The following PHF14 variants were observed in gnomAD, a reference collection of about 807,000 sequenced individuals.
PHF14 encodes the protein PHD finger protein 14.
Under a neutral mutation model 117.9 loss-of-function variants are expected in PHF14, and 55 were observed. The observed-to-expected ratio is 0.47, with a 90% confidence interval of 0.38 to 0.58. PHF14 has a LOEUF of 0.58. Among genes scored for constraint, PHF14 ranks in the 20% least tolerant of loss-of-function variants. PHF14 has a pLI of 0.00. For synonymous variants in PHF14, 409 were observed against 368.6 expected (o/e 1.11, Z -1.26); for missense variants, 978 against 1,122.2 (o/e 0.87, Z 1.84).
At chr7:11,036,389 T>G in intron 8 of PHF14, 29 bp from the exon 9 acceptor site, 7 of 1,527,638 alleles carry the variant, frequency 4.6e-6, no homozygotes, top group Non-Finnish European at 6.2e-6. Flanking sequence ...TTTATTATCT[T>G]TTAAAATTTG....
chr7:10,992,589 G>A (rs1214431971), intron 4 of PHF14, among the ~76,000 whole-genome samples: 3 of 151,984 alleles, frequency 2.0e-5, no homozygotes, highest in Non-Finnish European at 4.4e-5. Flanking sequence ...CTGGAACCCA[G>A]GAGGTGGAGG....
At chr7:11,041,985 C>G (rs1784518248) in intron 12 of PHF14, among the ~76,000 whole-genome samples, 1 of 151,514 alleles carries the variant, frequency 6.6e-6, no homozygotes, top group Non-Finnish European at 1.5e-5. Flanking sequence ...CTTGTGTACG[C>G]AGGTGTAGTT....
intron 13 of PHF14, 128 bp from the exon 14 acceptor site, chr7:11,051,484 T>A: frequency 1.4e-6 from 1 of 696,750 alleles, no homozygotes; most frequent in South Asian, 2.6e-5. Context: ...ATGTACCCTA[T>A]AATCACATTA....
At chr7:11,118,128 A>G (rs1787651579) in intron 17 of PHF14, among the ~76,000 whole-genome samples, 1 of 151,872 alleles carries the variant, frequency 6.6e-6, no homozygotes, top group Non-Finnish European at 1.5e-5. Context: ...AGATATGTAA[A>G]AAGTCTGGAA....
At chr7:11,056,043 C>G (rs1785006012) in intron 14 of PHF14, among the ~76,000 whole-genome samples, 1 of 152,112 alleles carries the variant, frequency 6.6e-6, no homozygotes, top group Non-Finnish European at 1.5e-5. Context: ...AAGGTGACCT[C>G]TGAGGTACGA....
At chr7:10,995,281 A>T (rs1415738606) in intron 4 of PHF14, among the ~76,000 whole-genome samples, 1 of 151,984 alleles carries the variant, frequency 6.6e-6, no homozygotes, top group Non-Finnish European at 1.5e-5. Context: ...TTAGCTAGAC[A>T]TAAAGGTTCT....
intron 17 of PHF14, among the ~76,000 whole-genome samples, chr7:11,157,680 A>C (rs1283405667): frequency 6.6e-6 from 1 of 152,192 alleles, no homozygotes; most frequent in Non-Finnish European, 1.5e-5. Flanking sequence ...AATGGTTCTT[A>C]AACTGCAAGC....
chr7:11,127,132 G>A (rs1349225721), intron 17 of PHF14, among the ~76,000 whole-genome samples: 1 of 151,322 alleles, frequency 6.6e-6, no homozygotes, highest in Non-Finnish European at 1.5e-5. Context: ...AAATATCAAA[G>A]TCCAGTCCAG....
chr7:11,021,112 A>G (rs1783719816), intron 5 of PHF14, among the ~76,000 whole-genome samples: 1 of 152,132 alleles, frequency 6.6e-6, no homozygotes, highest in Non-Finnish European at 1.5e-5. Context: ...GAGAAGTATC[A>G]CTCTACTTAG....
chr7:10,979,656 C>G (rs2128307585), intron 2 of PHF14, among the ~76,000 whole-genome samples: 1 of 141,572 alleles, frequency 7.1e-6, no homozygotes, highest in East Asian at 2.0e-4. Context: ...CTTGATTTTT[C>G]TCATTGTCAT....
intron 4 of PHF14, among the ~76,000 whole-genome samples, chr7:10,995,873 G>C (rs115322277): frequency 1.2e-4 from 19 of 152,292 alleles, no homozygotes; most frequent in Admixed American, 9.1e-4. Context: ...GCCCGCAAGC[G>C]CCTTGCACAG....
chr7:11,157,196 G>A (rs1788888150), intron 17 of PHF14, among the ~76,000 whole-genome samples: 1 of 152,032 alleles, frequency 6.6e-6, no homozygotes, highest in Non-Finnish European at 1.5e-5. Context: ...CTTAGTATCT[G>A]GCACACAATC....
chr7:11,035,026 G>T (rs1352291790), intron 7 of PHF14, among the ~76,000 whole-genome samples: 7 of 150,928 alleles, frequency 4.6e-5, no homozygotes, highest in Non-Finnish European at 1.0e-4. Flanking sequence ...TTTAAACAGT[G>T]ACTTTTTAAA....
chr7:11,090,214 T>C (rs963522208), intron 16 of PHF14, among the ~76,000 whole-genome samples: 2 of 152,208 alleles, frequency 1.3e-5, no homozygotes, highest in African/African-American at 4.8e-5. Context: ...TGAAAGTAAT[T>C]CTTTAAGTAT....
chr7:11,087,480 G>A (rs1279226229), intron 16 of PHF14, among the ~76,000 whole-genome samples: 4 of 152,122 alleles, frequency 2.6e-5, no homozygotes, highest in Non-Finnish European at 5.9e-5. Context: ...ATGAGCCACT[G>A]CGCCTGGCCA....
intron 6 of PHF14, among the ~76,000 whole-genome samples, chr7:11,026,184 G>A (rs1189579285): frequency 2.0e-5 from 3 of 151,048 alleles, no homozygotes; most frequent in Admixed American, 6.6e-5. Flanking sequence ...ACCCCCATCC[G>A]TCAGTGGCCA....
At chr7:11,053,057 A>G (rs1455590594) in intron 14 of PHF14, among the ~76,000 whole-genome samples, 2 of 152,122 alleles carry the variant, frequency 1.3e-5, no homozygotes, top group African/African-American at 4.8e-5. Context: ...GCACTTTTCA[A>G]AAATCTTCCT....
chr7:11,056,404 T>G (rs2883140), intron 14 of PHF14, among the ~76,000 whole-genome samples: 1 of 64,214 alleles, frequency 1.6e-5, no homozygotes, highest in Non-Finnish European at 3.4e-5. Context: ...CCCATAGTTA[T>G]TTCAGTTTAT....
In PHF14 at chr7:11,122,350, T is replaced by TACACACACACAC. The variant is rs1179471501; in HGVS notation, c.2772+10884_2772+10885insCACACACACACA. ...TACTTTTTATATATATATATATATA[T>TACACACACACAC]ATACACACACACACACACACACACA... On this transcript the variant is annotated intron_variant, in intron 17 of 17. Coordinates refer to ENST00000634607, the MANE Select transcript of PHF14 (RefSeq NM_001007157.2). Among the ~76,000 whole-genome samples, 214 of 63,048 alleles carry TACACACACACAC rather than the reference T, an allele frequency of 3.4e-3. 1 individual carries two copies. The highest frequency in any genetic ancestry group is 7.6e-3 in the East Asian group (11 of 1,446). The allele number at this position is 63,048 out of a possible 152,430, so 41.4% of individuals were successfully genotyped here.
Sources: gnomAD v4.1 joint callset for allele counts (sites outside exome capture counted in the v4.1 genomes callset) on GRCh38, gnomAD v4.1.1 for gene constraint, MANE v1.5 for transcripts, NCBI Gene and HGNC (gene_info 2026-07-23, HGNC 2026-07-21) for gene names.